Variants in ASGR2 observed in about 807,000 individuals in gnomAD.
ASGR2 encodes the protein asialoglycoprotein receptor 2.
A neutral mutation model predicts 32.3 loss-of-function variants in ASGR2; 34 were observed. The observed-to-expected ratio is 1.05, with a 90% CI of 0.80 to 1.40. The LOEUF (loss-of-function observed/expected upper bound fraction) is 1.40, where lower values mean the gene tolerates loss of function less well. Among genes scored for constraint, ASGR2 ranks in the 40% most tolerant of loss-of-function variants. ASGR2 has a pLI of 0.00. For missense variants in ASGR2, 385 were observed against 386.4 expected (o/e 1.00, Z 0.03); for synonymous variants, 143 against 150.0 (o/e 0.95, Z 0.34).
Position 7,108,152 on chromosome 17 carries a change from G to A in ASGR2, c.338-245C>T, listed in dbSNP as rs892841864. On this transcript the variant is annotated intron_variant, in intron 4 of 8. Transcript: ENST00000691900. This position sits in a 1 kb window ranked among gnomAD's most constrained non-coding sequence, Gnocchi z 4.9. Reference sequence around the variant, plus strand: ...GTCAGCACGGCTCACCTGCGTGGCCGGGCCCCTCCCCACCTCTCTCTGGCC... The same window carrying A: ...GTCAGCACGGCTCACCTGCGTGGCCAGGCCCCTCCCCACCTCTCTCTGGCC... 3.9e-5 allele frequency among the ~76,000 whole-genome samples: 6 copies of A among 152,088 alleles called. No homozygotes were observed. Among genetic ancestry groups the A allele is most frequent in the African/African-American group, 1.2e-4 (5 of 41,406 alleles).
Position 7,107,218 on chromosome 17 carries a change from G to A in ASGR2, c.496+13C>T, listed in dbSNP as rs775038636. 4 of 1,614,146 alleles carry A rather than the reference G, an allele frequency of 2.5e-6. No homozygotes were observed. In the East Asian group the frequency reaches 8.9e-5, roughly 36 times the overall value. On this transcript the variant is annotated intron_variant, in intron 6 of 8. Transcript: ENST00000691900. The surrounding 1 kb of genome is among the most constrained non-coding windows in gnomAD (Gnocchi z 5.0). ...GGCAGGCACACTGGGCCTGGAGACG[G>A]CCCCACCCCTACCGTTGCTGTGGAG...
chr17:7,102,233 T>C, intron 7 of ASGR2, 37 bp from the exon 8 acceptor site: 2 of 1,556,254 alleles, frequency 1.3e-6, no homozygotes, highest in Non-Finnish European at 1.8e-6. Context: ...TCTAGTCTCT[T>C]GTGCCTTTCT....
In ASGR2 at chr17:7,108,977, C is replaced by G; in HGVS notation, c.125-89G>C. ...GCACCGAAGCCTGAGGAGGCATAACCTGGGCGGGGGGATTGGTTGGGGCCA... is the reference window on the plus strand; with the variant it reads ...GCACCGAAGCCTGAGGAGGCATAACGTGGGCGGGGGGATTGGTTGGGGCCA... On this transcript the variant is annotated intron_variant, in intron 2 of 8. Transcript: ENST00000691900. The surrounding 1 kb of genome is among the most constrained non-coding windows in gnomAD (Gnocchi z 4.9). 4 of 1,312,130 alleles carry G rather than the reference C, an allele frequency of 3.0e-6. No individual in the cohort carries two copies. The highest frequency in any genetic ancestry group is 1.4e-5 in the South Asian group (1 of 74,032). The allele number at this position is 1,312,130 out of a possible 1,614,324, so 81.3% of individuals were successfully genotyped here. A position where few individuals can be genotyped will look rare whatever the true frequency, so the allele number is the denominator to read the frequency against.
At chr17:7,111,603 C>G (rs1914657416) in intron 2 of ASGR2, among the ~76,000 whole-genome samples, 1 of 151,116 alleles carries the variant, frequency 6.6e-6, no homozygotes, top group Non-Finnish European at 1.5e-5. Flanking sequence ...TTGCAGTGAG[C>G]CAAGATCGCG....
intron 2 of ASGR2, among the ~76,000 whole-genome samples, chr17:7,110,007 T>C (rs1418805358): frequency 6.6e-6 from 1 of 152,096 alleles, no homozygotes; most frequent in African/African-American, 2.4e-5. Context: ...GGACCCTGAC[T>C]CTGTGGACTT....
intron 2 of ASGR2, among the ~76,000 whole-genome samples, chr17:7,111,446 G>A (rs1004636708): frequency 6.6e-6 from 1 of 151,836 alleles, no homozygotes; most frequent in Non-Finnish European, 1.5e-5. Flanking sequence ...CATGAGGTCA[G>A]GAGATCGACA....
chr17:7,107,452 A>G lies in ASGR2; in HGVS notation c.410-135T>C. 3 of 846,264 alleles carry G rather than the reference A, an allele frequency of 3.5e-6. No individual in the cohort carries two copies. Among genetic ancestry groups the G allele is most frequent in the Non-Finnish European group, 5.6e-6 (3 of 531,182 alleles). 52.4% of individuals were successfully genotyped at this position (846,264 alleles called of 1,614,324 possible). A position where few individuals can be genotyped will look rare whatever the true frequency, so the allele number is the denominator to read the frequency against. On this transcript the variant is annotated intron_variant, in intron 5 of 8. Coordinates refer to ENST00000691900, the MANE Select transcript of ASGR2 (RefSeq NM_001201352.2). This position sits in a 1 kb window ranked among gnomAD's most constrained non-coding sequence, Gnocchi z 5.0. Reference sequence around the variant, plus strand: ...GACCACACCACACACCATACCACACACACACCACAGACATGTACACCACAC... The same window carrying G: ...GACCACACCACACACCATACCACACGCACACCACAGACATGTACACCACAC...
intron 2 of ASGR2, among the ~76,000 whole-genome samples, chr17:7,110,018 C>T (rs1298647285): frequency 1.3e-5 from 2 of 152,094 alleles, no homozygotes; most frequent in Non-Finnish European, 2.9e-5. Context: ...CTGTGGACTT[C>T]CTTGTCTTCT....
chr17:7,107,025 AC>A lies in ASGR2; in HGVS notation c.622del (p.Val208TrpfsTer23), dbSNP rs745935148. On this transcript the variant is annotated frameshift_variant, in exon 7 of 9. Transcript: ENST00000691900. LOFTEE classifies it high-confidence loss of function. The surrounding 1 kb of genome is among the most constrained non-coding windows in gnomAD (Gnocchi z 5.0). Reference protein sequence around the residue: ...KYCQLENAHLVVINSWEEQKF... With the variant: ...KYCQLENAHLXVINSWEEQKF... ...CTGCTCCTCCCAGGAGTTGATGACC[AC>A]CAGGTGTGCGTTCTCCAGCTGGCAG... 2 of 1,614,024 alleles carry A rather than the reference AC, an allele frequency of 1.2e-6. No individual in the cohort carries two copies. Among genetic ancestry groups the A allele is most frequent in the Admixed American group, 1.7e-5 (1 of 60,006 alleles).
rs2151738826 is a variant in ASGR2 at position 7,113,155 on chromosome 17, T to C, written c.124+962A>G. Among the ~76,000 whole-genome samples, 1 of 151,838 alleles carries C rather than the reference T, an allele frequency of 6.6e-6. No individual in the cohort carries two copies. Among genetic ancestry groups the C allele is most frequent in the Admixed American group, 6.6e-5 (1 of 15,220 alleles). On this transcript the variant is annotated intron_variant, in intron 2 of 8. Transcript: ENST00000691900. This position sits in a 1 kb window ranked among gnomAD's most constrained non-coding sequence, Gnocchi z 5.1. ...GTCTCTAAAAAAAAAATGTCCAAGATACTTAGGTCCTTCAGTCAAGATTTA... is the reference window on the plus strand; with the variant it reads ...GTCTCTAAAAAAAAAATGTCCAAGACACTTAGGTCCTTCAGTCAAGATTTA...
intron 8 of ASGR2, 53 bp downstream of exon 8, chr17:7,102,036 AG>A: frequency 6.5e-7 from 1 of 1,550,250 alleles, no homozygotes; most frequent in Admixed American, 1.7e-5. Context: ...GTGAAAGGCC[AG>A]GGGGCTGTCC....
chr17:7,105,584 TG>T (rs1043659824), intron 7 of ASGR2, among the ~76,000 whole-genome samples: 14 of 151,866 alleles, frequency 9.2e-5, no homozygotes, highest in African/African-American at 2.9e-4. Context: ...GAGGCTGAGG[TG>T]GGAGAATCCG....
In ASGR2 at chr17:7,114,006, G is replaced by C. The variant is rs1597399175; in HGVS notation, c.124+111C>G. The C allele has an allele frequency of 6.0e-6, 9 of 1,490,822 alleles. No homozygotes were observed. In the South Asian group the frequency reaches 1.1e-4, roughly 19 times the overall value. The allele number at this position is 1,490,822 out of a possible 1,614,324, so 92.3% of individuals were successfully genotyped here. On this transcript the variant is annotated intron_variant, in intron 2 of 8. Transcript: ENST00000691900. This position sits in a 1 kb window ranked among gnomAD's most constrained non-coding sequence, Gnocchi z 4.5. ...GGTGAGGGAACAAGCGGGGGTGTCG[G>C]GCCCTCCTCAGTCCCTGTTCACAGA... is the stretch of plus-strand genomic sequence containing the variant.
chr17:7,109,004 G>T (rs1914269178), intron 2 of ASGR2, 116 bp from the exon 3 acceptor site: 2 of 744,750 alleles, frequency 2.7e-6, no homozygotes, highest in Non-Finnish European at 3.9e-6. Flanking sequence ...TTGGGGCCAT[G>T]GGGGGGGGTC....
At position 7,104,969 on chromosome 17, in the gene ASGR2, C is replaced by T. The variant is rs183214551; in HGVS notation, c.648+2031G>A. Among the ~76,000 whole-genome samples, 162 of 147,202 alleles carry T rather than the reference C, an allele frequency of 1.1e-3. 1 individual carries two copies. Among genetic ancestry groups the T allele is most frequent in the Non-Finnish European group, 9.1e-4 (61 of 67,390 alleles). On this transcript the variant is annotated intron_variant, in intron 7 of 8. Transcript: ENST00000691900. ...CCAGCCTGGGCGACAGAGCAAGACT[C>T]CATCTCAAAAAAAAAAAAAATTTTT...
At position 7,108,035 on chromosome 17, in the gene ASGR2, C is replaced by A; in HGVS notation, c.338-128G>T. The A allele has an allele frequency of 1.0e-6, 1 of 971,218 alleles. No individual in the cohort carries two copies. The highest frequency in any genetic ancestry group is 2.2e-5 in the Admixed American group (1 of 46,076). 60.2% of individuals were successfully genotyped at this position (971,218 alleles called of 1,614,324 possible). ...ACCTCCTGGCTTCCTGGACCACACC[C>A]AGGCTCCCTGCACTGCCACAGTGGC... On this transcript the variant is annotated intron_variant, in intron 4 of 8. Coordinates refer to ENST00000691900, the MANE Select transcript of ASGR2 (RefSeq NM_001201352.2). The surrounding 1 kb of genome is among the most constrained non-coding windows in gnomAD (Gnocchi z 4.9).
At position 7,107,923 on chromosome 17, in the gene ASGR2, C is replaced by T. The variant is rs113268051; in HGVS notation, c.338-16G>A. ...ACGCTGCCTCCTGGAAGCGGAAAGCCAGCTGTTTCCCCGCTGAGCCTCCCT... is the reference window on the plus strand; with the variant it reads ...ACGCTGCCTCCTGGAAGCGGAAAGCTAGCTGTTTCCCCGCTGAGCCTCCCT... On this transcript the variant is annotated splice_polypyrimidine_tract_variant and intron_variant, in intron 4 of 8. Transcript: ENST00000691900. This position sits in a 1 kb window ranked among gnomAD's most constrained non-coding sequence, Gnocchi z 5.0. 6.2e-7 allele frequency: 1 copy of T among 1,613,776 alleles called. No individual in the cohort carries two copies. The highest frequency in any genetic ancestry group is 8.5e-7 in the Non-Finnish European group (1 of 1,179,886).
rs186993423 is a variant in ASGR2 at position 7,114,392 on chromosome 17, G to A, written c.-70-82C>T. ...GGAGGGGTTCGGGGTGGTGGCCTGG[G>A]TAGGATCTGAGGTTGGCAGGGCGTT... On this transcript the variant is annotated intron_variant, in intron 1 of 8. Transcript: ENST00000691900. This position sits in a 1 kb window ranked among gnomAD's most constrained non-coding sequence, Gnocchi z 4.5. The A allele has an allele frequency of 3.7e-4, 534 of 1,445,664 alleles. 3 individuals are homozygous for A. The African/African-American group carries it at 7.2e-3, about 20-fold the overall frequency. 89.6% of individuals were successfully genotyped at this position (1,445,664 alleles called of 1,614,324 possible).
At position 7,107,162 on chromosome 17, in the gene ASGR2, A is replaced by C. The variant is rs752290075; in HGVS notation, c.497-11T>G. 6.2e-7 allele frequency: 1 copy of C among 1,614,028 alleles called. No homozygotes were observed. Among genetic ancestry groups the C allele is most frequent in the African/African-American group, 1.3e-5 (1 of 74,922 alleles). On this transcript the variant is annotated splice_polypyrimidine_tract_variant and intron_variant, in intron 6 of 8. Coordinates refer to ENST00000691900, the MANE Select transcript of ASGR2 (RefSeq NM_001201352.2). This position sits in a 1 kb window ranked among gnomAD's most constrained non-coding sequence, Gnocchi z 5.0. ...AGGTCCTTTGGGAGCCTGAGGGGAC[A>C]GGGGGCAGGGAGATGAGATCCAGCC...
Sources: allele counts gnomAD v4.1 joint callset (sites outside exome capture counted in the v4.1 genomes callset), GRCh38; gene constraint gnomAD v4.1.1; non-coding constraint Gnocchi (gnomAD v3.1); transcripts MANE v1.5; gene names NCBI Gene and HGNC (gene_info 2026-07-23, HGNC 2026-07-21).